CAST: variants seen among roughly 807,000 people sequenced by gnomAD.
CAST encodes calpastatin, also known as MIR583 host.
A neutral mutation model predicts 119.6 loss-of-function variants in CAST; 76 were observed. That is an observed-to-expected ratio of 0.64 (90% CI 0.53 to 0.77). The LOEUF (loss-of-function observed/expected upper bound fraction) is 0.77, where lower values mean the gene tolerates loss of function less well. CAST is among the 30% of genes least tolerant of loss of function. The probability of loss-of-function intolerance (pLI) is 0.00; values close to 1 mark genes in which losing one functional copy is unlikely to be tolerated. For missense variants in CAST, 953 were observed against 946.5 expected (o/e 1.01, Z -0.09); for synonymous variants, 319 against 331.6 (o/e 0.96, Z 0.41).
intron 1 of CAST, among the ~76,000 whole-genome samples, chr5:96,580,233 G>C (rs1746746522): frequency 6.6e-6 from 1 of 151,972 alleles, no homozygotes; most frequent in South Asian, 2.1e-4. Flanking sequence ...CCAGAAACTG[G>C]GTAATAAGAG....
the CAST span, among the ~76,000 whole-genome samples, chr5:96,200,087 G>C: frequency 7.3e-3 from 1,105 of 152,222 alleles, 18 homozygotes; most frequent in African/African-American, 0.026. Context: ...CATCGGCGCT[G>C]AACACCAGCT....
chr5:96,532,935 G>A (rs1745716968), intron 1 of CAST, among the ~76,000 whole-genome samples: 1 of 151,920 alleles, frequency 6.6e-6, no homozygotes, highest in South Asian at 2.1e-4. Flanking sequence ...TGAGGTGGGA[G>A]GATTGCTTGA....
intron 1 of CAST, among the ~76,000 whole-genome samples, chr5:96,604,584 CG>C (rs1329084802): frequency 1.3e-5 from 2 of 151,970 alleles, no homozygotes; most frequent in Admixed American, 6.6e-5. Flanking sequence ...ATTCCAGGTA[CG>C]GGGATAGGGC....
the CAST span, among the ~76,000 whole-genome samples, chr5:96,250,822 GTC>G: frequency 2.0e-5 from 3 of 152,148 alleles, no homozygotes; most frequent in Admixed American, 6.6e-5. Flanking sequence ...GACTACATCT[GTC>G]TCTGGAAAGT....
At chr5:96,484,730 A>G in the CAST span, among the ~76,000 whole-genome samples, 1 of 147,648 alleles carries the variant, frequency 6.8e-6, no homozygotes, top group South Asian at 2.1e-4. Context: ...ATGAACTCCA[A>G]CGAGCTCATA....
intron 1 of CAST, among the ~76,000 whole-genome samples, chr5:96,561,782 A>G (rs1429584180): frequency 3.2e-5 from 2 of 61,652 alleles, no homozygotes; most frequent in Admixed American, 3.9e-4. Flanking sequence ...TGTATTATAT[A>G]TATGTTTTTT....
the CAST span, among the ~76,000 whole-genome samples, chr5:96,428,736 C>CT: frequency 3.9e-5 from 6 of 152,014 alleles, no homozygotes; most frequent in African/African-American, 7.2e-5. Context: ...AAATAATAGA[C>CT]TTTTTTTTCA....
chr5:96,596,620 A>G (rs2150192940), intron 1 of CAST, among the ~76,000 whole-genome samples: 1 of 152,266 alleles, frequency 6.6e-6, no homozygotes, highest in African/African-American at 2.4e-5. Context: ...CTCATGAAAA[A>G]CAAATGTAGC....
chr5:96,632,536 A>G (rs1489780914), intron 1 of CAST, among the ~76,000 whole-genome samples: 1 of 152,016 alleles, frequency 6.6e-6, no homozygotes, highest in Non-Finnish European at 1.5e-5. Flanking sequence ...GGTCTTAAAG[A>G]TTTCCATTTA....
At chr5:96,350,640 C>T in the CAST span, among the ~76,000 whole-genome samples, 13 of 152,138 alleles carry the variant, frequency 8.5e-5, no homozygotes, top group South Asian at 2.5e-3. Flanking sequence ...ACACAATTCC[C>T]AGCTTGACTT....
chr5:96,373,240 T>C, the CAST span, among the ~76,000 whole-genome samples: 1 of 152,176 alleles, frequency 6.6e-6, no homozygotes, highest in East Asian at 1.9e-4. Context: ...AATTAAGGCC[T>C]CAGGATCATT....
At chr5:95,988,622 T>C in the CAST span, among the ~76,000 whole-genome samples, 1 of 152,202 alleles carries the variant, frequency 6.6e-6, no homozygotes, top group African/African-American at 2.4e-5. Flanking sequence ...TCAGATGGTC[T>C]GAGTGCAAAC....
chr5:96,436,452 T>C, the CAST span, among the ~76,000 whole-genome samples: 1 of 152,074 alleles, frequency 6.6e-6, no homozygotes, highest in East Asian at 1.9e-4. Flanking sequence ...TTCACCAATA[T>C]AAGTTTTTAT....
chr5:96,759,447 A>G (rs1767196245), intron 24 of CAST, among the ~76,000 whole-genome samples: 1 of 152,154 alleles, frequency 6.6e-6, no homozygotes, highest in Admixed American at 6.5e-5. Context: ...CAGTCAAAGC[A>G]GTATTCCTGT....
chr5:96,133,813 G>A, the CAST span, among the ~76,000 whole-genome samples: 2 of 152,206 alleles, frequency 1.3e-5, no homozygotes, highest in East Asian at 1.9e-4. Flanking sequence ...GTGAAGACGA[G>A]AAGCCAGGGT....
the CAST span, among the ~76,000 whole-genome samples, chr5:96,353,452 G>T: frequency 6.6e-6 from 1 of 152,178 alleles, no homozygotes; most frequent in African/African-American, 2.4e-5. Flanking sequence ...GTTGCAGAGT[G>T]TCCAGATCGC....
At chr5:96,423,227 C>A in the CAST span, 10 of 1,310,738 alleles carry the variant, frequency 7.6e-6, no homozygotes, top group African/African-American at 4.4e-5. Flanking sequence ...ACCAGAGCAG[C>A]ATCCCCTTGA....
At chr5:96,384,341 A>G in the CAST span, among the ~76,000 whole-genome samples, 61 of 152,356 alleles carry the variant, frequency 4.0e-4, no homozygotes, top group African/African-American at 1.5e-3. Context: ...GTGACAAGAT[A>G]TAATTATTGT....
the CAST span, among the ~76,000 whole-genome samples, chr5:96,290,930 G>A: frequency 6.6e-6 from 1 of 152,164 alleles, no homozygotes; most frequent in Non-Finnish European, 1.5e-5. Flanking sequence ...AACTTCTGAA[G>A]CTTGGTTATG....
Sources: allele counts gnomAD v4.1 joint callset (sites outside exome capture counted in the v4.1 genomes callset), GRCh38; gene constraint gnomAD v4.1.1; transcripts MANE v1.5; gene names NCBI Gene and HGNC (gene_info 2026-07-23, HGNC 2026-07-21).